Variants in GALNT18 observed in about 807,000 individuals in gnomAD.
The protein encoded by GALNT18 is polypeptide N-acetylgalactosaminyltransferase 18.
A neutral mutation model predicts 69.5 loss-of-function variants in GALNT18; 44 were observed. That is an observed-to-expected ratio of 0.63 (90% CI 0.50 to 0.81). GALNT18 has a LOEUF of 0.81. Among genes scored for constraint, GALNT18 ranks in the 40% least tolerant of loss-of-function variants. The pLI is 0.00. For missense variants in GALNT18, 715 were observed against 810.0 expected, an observed-to-expected ratio of 0.88 and a Z score of 1.42; for synonymous variants, 364 against 318.2, an observed-to-expected ratio of 1.14 and a Z score of -1.53.
chr11:11,511,332 G>A lies in GALNT18; in HGVS notation c.236-62396C>T, dbSNP rs1857160198. 6.6e-6 allele frequency among the ~76,000 whole-genome samples: 1 copy of A among 152,156 alleles called. No homozygotes were observed. Among genetic ancestry groups the A allele is most frequent in the South Asian group, 2.1e-4 (1 of 4,824 alleles). ...TTACTGCCACCAGGCCCTGGTCTCA[G>A]ACCTTACACACTGGTCTGCAAAGAG... On this transcript the variant is annotated intron_variant, in intron 1 of 10. Coordinates refer to ENST00000227756, the MANE Select transcript of GALNT18 (RefSeq NM_198516.3). This position sits in a 1 kb window ranked among gnomAD's most constrained non-coding sequence, Gnocchi z 4.9.
rs147099804 is a variant in GALNT18, at chr11:11,464,737, T to C, written c.236-15801A>G. On this transcript the variant is annotated intron_variant, in intron 1 of 10. Coordinates refer to ENST00000227756, the MANE Select transcript of GALNT18 (RefSeq NM_198516.3). The stretch of plus-strand genomic sequence containing the variant: ...GAAGTGCCAACCCTCTGAGTCACAC[T>C]GCCTGAGTTTGGAGCTTGGCTTCAC... Among the ~76,000 whole-genome samples the C allele has an allele frequency of 4.2e-3, 638 of 152,338 alleles. 6 individuals are homozygous for C. The highest frequency in any genetic ancestry group is 0.014 in the African/African-American group (597 of 41,570).
intron 3 of GALNT18, among the ~76,000 whole-genome samples, chr11:11,386,938 C>A (rs1344735483): frequency 6.6e-6 from 1 of 152,176 alleles, no homozygotes; most frequent in Non-Finnish European, 1.5e-5. Context: ...GAGTCTGATT[C>A]AATAGATCTG....
In GALNT18 at chr11:11,382,547, T is replaced by G. The variant is rs771939289; in HGVS notation, c.596-3283A>C. 1.1e-4 allele frequency among the ~76,000 whole-genome samples: 16 copies of G among 152,192 alleles called. No individual in the cohort carries two copies. Among genetic ancestry groups the G allele is most frequent in the Admixed American group, 2.6e-4 (4 of 15,274 alleles). On this transcript the variant is annotated intron_variant, in intron 3 of 10. Coordinates refer to ENST00000227756, the MANE Select transcript of GALNT18 (RefSeq NM_198516.3). This position sits in a 1 kb window ranked among gnomAD's most constrained non-coding sequence, Gnocchi z 4.3. ...AAAGATTGTGTTTTTGGAGTTGAACTTGTGTTTTTTCTTACAGCCAAACAC... is the reference window on the plus strand; with the variant it reads ...AAAGATTGTGTTTTTGGAGTTGAACGTGTGTTTTTTCTTACAGCCAAACAC...
intron 10 of GALNT18, among the ~76,000 whole-genome samples, chr11:11,283,488 A>G (rs1849128858): frequency 6.6e-6 from 1 of 152,198 alleles, no homozygotes; most frequent in African/African-American, 2.4e-5. Context: ...CTGACAGGCT[A>G]ACCAGGTCAC....
At chr11:11,411,775 G>A (rs1345314825) in intron 3 of GALNT18, among the ~76,000 whole-genome samples, 1 of 152,212 alleles carries the variant, frequency 6.6e-6, no homozygotes, top group Non-Finnish European at 1.5e-5. Context: ...AGCAAGTCAG[G>A]GCAGGGGAAG....
chr11:11,383,147 C>T lies in GALNT18; in HGVS notation c.596-3883G>A, dbSNP rs926873197. Among the ~76,000 whole-genome samples, 2 of 152,328 alleles carry T rather than the reference C, an allele frequency of 1.3e-5. No individual in the cohort carries two copies. Among genetic ancestry groups the T allele is most frequent in the Admixed American group, 6.5e-5 (1 of 15,308 alleles). On this transcript the variant is annotated intron_variant, in intron 3 of 10. Coordinates refer to ENST00000227756, the MANE Select transcript of GALNT18 (RefSeq NM_198516.3). The surrounding 1 kb of genome is among the most constrained non-coding windows in gnomAD (Gnocchi z 5.2). ...CTGGGAGGTCACAGGCCACTCTCCA[C>T]ATCCCCACGGGGAGCCTCCTCTCCG...
At chr11:11,301,836 C>T (rs1303424561) in intron 9 of GALNT18, among the ~76,000 whole-genome samples, 1 of 152,130 alleles carries the variant, frequency 6.6e-6, no homozygotes, top group African/African-American at 2.4e-5. Flanking sequence ...GACTATCAGC[C>T]TGGCGGAGAG....
intron 1 of GALNT18, among the ~76,000 whole-genome samples, chr11:11,572,704 A>G (rs1427364226): frequency 6.6e-6 from 1 of 152,182 alleles, no homozygotes. Context: ...TGCCCTTCTG[A>G]GGAAGACAAG....
rs1849736146 is a variant in GALNT18, at chr11:11,315,440, A to G, written c.1512+11646T>C. ...GAACACAGGCAAGGATACGTTAGGCATGGGTCTTCATGGATTCTCAAAGGG... is the reference window on the plus strand; with the variant it reads ...GAACACAGGCAAGGATACGTTAGGCGTGGGTCTTCATGGATTCTCAAAGGG... On this transcript the variant is annotated intron_variant, in intron 9 of 10. Transcript: ENST00000227756. The surrounding 1 kb of genome is among the most constrained non-coding windows in gnomAD (Gnocchi z 5.6). 1.3e-5 allele frequency among the ~76,000 whole-genome samples: 2 copies of G among 152,192 alleles called. No individual in the cohort carries two copies. Among genetic ancestry groups the G allele is most frequent in the African/African-American group, 4.8e-5 (2 of 41,452 alleles).
In GALNT18 at chr11:11,430,940, T is replaced by C. The variant is rs891930894; in HGVS notation, c.595+1681A>G. Among the ~76,000 whole-genome samples the C allele has an allele frequency of 2.6e-5, 4 of 152,252 alleles. No homozygotes were observed. The highest frequency in any genetic ancestry group is 9.6e-5 in the African/African-American group (4 of 41,466). ...CATTCCTCTGACCAAAAGCTTTAGA[T>C]AGTTATTGCCATTTACAAAATAGAG... On this transcript the variant is annotated intron_variant, in intron 3 of 10. Transcript: ENST00000227756. This position sits in a 1 kb window ranked among gnomAD's most constrained non-coding sequence, Gnocchi z 4.9.
At chr11:11,615,321 A>G (rs1386566485) in intron 1 of GALNT18, among the ~76,000 whole-genome samples, 1 of 152,192 alleles carries the variant, frequency 6.6e-6, no homozygotes, top group Non-Finnish European at 1.5e-5. Flanking sequence ...CATGGCGAAC[A>G]ACCTGCTGTT....
At position 11,353,619 on chromosome 11, in the gene GALNT18, C is replaced by T. The variant is rs146727862; in HGVS notation, c.1093-12615G>A. Among the ~76,000 whole-genome samples, 41 of 152,242 alleles carry T rather than the reference C, an allele frequency of 2.7e-4. 1 individual carries two copies. The South Asian group carries it at 6.4e-3, about 24-fold the overall frequency. On this transcript the variant is annotated intron_variant, in intron 6 of 10. Coordinates refer to ENST00000227756, the MANE Select transcript of GALNT18 (RefSeq NM_198516.3). Reference sequence around the variant, plus strand: ...TTCTTTCCTCTCTCTGAAGCTTAATCGAATCAGAAACAAATCCCACACATA... The same window carrying T: ...TTCTTTCCTCTCTCTGAAGCTTAATTGAATCAGAAACAAATCCCACACATA...
rs929827735 is a variant in GALNT18 at position 11,435,172 on chromosome 11, A to T, written c.429-2385T>A. On this transcript the variant is annotated intron_variant, in intron 2 of 10. Coordinates refer to ENST00000227756, the MANE Select transcript of GALNT18 (RefSeq NM_198516.3). The surrounding 1 kb of genome is among the most constrained non-coding windows in gnomAD (Gnocchi z 4.4). ...CTTCTGTATCTCTCTGCACTTCCCCACGGGGTCTGCACTGCGTTCCCAGAG... is the reference window on the plus strand; with the variant it reads ...CTTCTGTATCTCTCTGCACTTCCCCTCGGGGTCTGCACTGCGTTCCCAGAG... Among the ~76,000 whole-genome samples the T allele has an allele frequency of 6.6e-6, 1 of 152,144 alleles. No individual in the cohort carries two copies. Among genetic ancestry groups the T allele is most frequent in the African/African-American group, 2.4e-5 (1 of 41,430 alleles).
chr11:11,453,324 C>T (rs1564957232), intron 1 of GALNT18, among the ~76,000 whole-genome samples: 3 of 152,170 alleles, frequency 2.0e-5, no homozygotes, highest in Admixed American at 6.5e-5. Flanking sequence ...GCCCAGCACT[C>T]ACCTCCCATC....
rs947383363 is a variant in GALNT18 at position 11,413,440 on chromosome 11, C to T, written c.595+19181G>A. ...TGATTTTAATCAGGGATTTGATCATCCTACGGACGATTCCTTATTCACGTT... is the reference window on the plus strand; with the variant it reads ...TGATTTTAATCAGGGATTTGATCATTCTACGGACGATTCCTTATTCACGTT... On this transcript the variant is annotated intron_variant, in intron 3 of 10. Coordinates refer to ENST00000227756, the MANE Select transcript of GALNT18 (RefSeq NM_198516.3). This position sits in a 1 kb window ranked among gnomAD's most constrained non-coding sequence, Gnocchi z 4.7. Among the ~76,000 whole-genome samples, 1 of 152,244 alleles carries T rather than the reference C, an allele frequency of 6.6e-6. No individual in the cohort carries two copies. Among genetic ancestry groups the T allele is most frequent in the Non-Finnish European group, 1.5e-5 (1 of 68,044 alleles).
chr11:11,593,713 G>T (rs1167412593), intron 1 of GALNT18, among the ~76,000 whole-genome samples: 1 of 152,218 alleles, frequency 6.6e-6, no homozygotes, highest in Non-Finnish European at 1.5e-5. Context: ...AGAATGGCTT[G>T]AGGCCAGGAG....
chr11:11,570,857 G>T (rs1490020423), intron 1 of GALNT18, among the ~76,000 whole-genome samples: 1 of 152,186 alleles, frequency 6.6e-6, no homozygotes, highest in African/African-American at 2.4e-5. Flanking sequence ...TAATTTACTT[G>T]CCTGTAAAGA....
chr11:11,594,848 T>TATATATATATACAC (rs1488821833), intron 1 of GALNT18, among the ~76,000 whole-genome samples: 9 of 114,272 alleles, frequency 7.9e-5, no homozygotes, highest in South Asian at 2.9e-4. Flanking sequence ...TATACACATA[T>TATATATATATACAC]ACATACATAC....
rs1319542749 is a variant in GALNT18, at chr11:11,541,333, A to G, written c.235+80026T>C. On this transcript the variant is annotated intron_variant, in intron 1 of 10. Transcript: ENST00000227756. This position sits in a 1 kb window ranked among gnomAD's most constrained non-coding sequence, Gnocchi z 4.8. Reference sequence around the variant, plus strand: ...CCAACTGGACACCAGGGCTTCCTCAAACTCCACCTAGATCACCACCGTTAT... The same window carrying G: ...CCAACTGGACACCAGGGCTTCCTCAGACTCCACCTAGATCACCACCGTTAT... Among the ~76,000 whole-genome samples the G allele has an allele frequency of 6.6e-6, 1 of 151,066 alleles. No homozygotes were observed. Among genetic ancestry groups the G allele is most frequent in the Non-Finnish European group, 1.5e-5 (1 of 67,708 alleles).
Sources: gnomAD v4.1 joint callset for allele counts (sites outside exome capture counted in the v4.1 genomes callset) on GRCh38, gnomAD v4.1.1 for gene constraint, Gnocchi (gnomAD v3.1) non-coding constraint, MANE v1.5 for transcripts, NCBI Gene and HGNC (gene_info 2026-07-23, HGNC 2026-07-21) for gene names.